The following GRIK2 variants were observed in gnomAD, a reference collection of about 807,000 sequenced individuals.
GRIK2 encodes glutamate ionotropic receptor kainate type subunit 2, also known as glutamate receptor ionotropic, kainate 2.
In GRIK2, 32 loss-of-function variants were observed where a neutral mutation model predicts 100.3. The observed-to-expected ratio is 0.32, with a 90% CI of 0.24 to 0.43. GRIK2 has a LOEUF of 0.43. Ranked by LOEUF, GRIK2 falls within the 20% of genes least tolerant of loss-of-function variation. GRIK2 has a pLI of 1.00. For synonymous variants in GRIK2, 417 were observed against 389.4 expected, an observed-to-expected ratio of 1.07 and a Z score of -0.83; for missense variants, 843 against 1,114.9, an observed-to-expected ratio of 0.76 and a Z score of 3.47.
At chr6:101,605,363 T>C (rs1337228102) in intron 2 of GRIK2, among the ~76,000 whole-genome samples, 1 of 152,032 alleles carries the variant, frequency 6.6e-6, no homozygotes, top group East Asian at 1.9e-4. Flanking sequence ...CTGGATTCAT[T>C]AGTTCTTCTG....
intron 7 of GRIK2, among the ~76,000 whole-genome samples, chr6:101,756,164 A>T (rs1777123151): frequency 6.6e-6 from 1 of 152,172 alleles, no homozygotes; most frequent in Admixed American, 6.6e-5. Flanking sequence ...AGAAGAGGTA[A>T]GTTTCCCTAA....
intron 14 of GRIK2, among the ~76,000 whole-genome samples, chr6:102,008,911 T>A (rs1344142787): frequency 6.6e-6 from 1 of 152,070 alleles, no homozygotes; most frequent in Non-Finnish European, 1.5e-5. Flanking sequence ...AATATACATG[T>A]ATACACACAT....
intron 14 of GRIK2, among the ~76,000 whole-genome samples, chr6:101,951,936 T>G (rs1011947295): frequency 6.6e-6 from 1 of 152,190 alleles, no homozygotes; most frequent in Non-Finnish European, 1.5e-5. Flanking sequence ...AGTCCCACAA[T>G]GTAATATCAT....
intron 13 of GRIK2, among the ~76,000 whole-genome samples, chr6:101,926,078 A>G (rs1237714724): frequency 6.6e-6 from 1 of 151,420 alleles, no homozygotes; most frequent in Non-Finnish European, 1.5e-5. Flanking sequence ...TTGAAAATCC[A>G]GAAAACTTTT....
chr6:101,689,527 C>G (rs1266357304), intron 7 of GRIK2, among the ~76,000 whole-genome samples: 2 of 152,100 alleles, frequency 1.3e-5, no homozygotes, highest in Admixed American at 6.6e-5. Context: ...GAATACAAAA[C>G]CACTTCGCTT....
In GRIK2 at chr6:101,799,772, T is replaced by C. The variant is rs1360062732; in HGVS notation, c.1076T>C (p.Phe359Ser). 1 of 1,613,332 alleles carries C rather than the reference T, an allele frequency of 6.2e-7. No homozygotes were observed. The highest frequency in any genetic ancestry group is 8.5e-7 in the Non-Finnish European group (1 of 1,179,424). Residue 359 changes from phenylalanine to serine, a missense_variant, in exon 8 of 17, where the codon TTT (phenylalanine) becomes TCT (serine). This residue lies in a region of GRIK2 where 519 missense variants were observed against 643.8 expected (regional missense o/e 0.81). Transcript: ENST00000369134. ...RHKPWRFGTRFMSLIKEAHWE... is the reference protein window; with the variant it reads ...RHKPWRFGTRSMSLIKEAHWE... ...AAACCCTGGCGCTTCGGGACCCGCT[T>C]TATGAGTCTAATTAAAGAGGTAAGT...
At chr6:101,636,014 G>T (rs191059240) in intron 4 of GRIK2, among the ~76,000 whole-genome samples, 205 of 152,036 alleles carry the variant, frequency 1.3e-3, no homozygotes, top group African/African-American at 4.5e-3. Flanking sequence ...TATACCCAAA[G>T]GATTATAAAT....
intron 15 of GRIK2, among the ~76,000 whole-genome samples, chr6:102,050,764 A>C (rs1771138070): frequency 6.6e-6 from 1 of 151,284 alleles, no homozygotes; most frequent in East Asian, 1.9e-4. Flanking sequence ...GAGGGAAAAA[A>C]GGAGAAAAGG....
At chr6:101,968,099 C>A (rs997668185) in intron 14 of GRIK2, among the ~76,000 whole-genome samples, 20 of 151,912 alleles carry the variant, frequency 1.3e-4, no homozygotes, top group Non-Finnish European at 7.4e-5. Flanking sequence ...TTATTTGGCT[C>A]TGTCAAGTGA....
chr6:101,789,844 A>G (rs189109192), intron 7 of GRIK2, among the ~76,000 whole-genome samples: 3,054 of 152,200 alleles, frequency 0.02, 106 homozygotes, highest in African/African-American at 0.07. Flanking sequence ...ATGAGCATGG[A>G]ATGTTCTTCC....
intron 14 of GRIK2, among the ~76,000 whole-genome samples, chr6:102,031,379 A>G (rs1442891638): frequency 6.6e-6 from 1 of 151,222 alleles, no homozygotes; most frequent in Non-Finnish European, 1.5e-5. Context: ...TGAAACCTGG[A>G]CCCTGGTCAG....
chr6:101,883,185 T>C (rs1311464548), intron 11 of GRIK2, among the ~76,000 whole-genome samples: 3 of 151,304 alleles, frequency 2.0e-5, no homozygotes, highest in Admixed American at 6.6e-5. Context: ...CCTTTACTAC[T>C]ATGCGGTCTT....
intron 7 of GRIK2, among the ~76,000 whole-genome samples, chr6:101,738,030 T>C (rs1317187369): frequency 6.6e-6 from 1 of 152,078 alleles, no homozygotes; most frequent in Non-Finnish European, 1.5e-5. Flanking sequence ...ATATGTCTTC[T>C]TTTTTTTCTT....
intron 4 of GRIK2, among the ~76,000 whole-genome samples, chr6:101,634,743 G>C (rs182843539): frequency 6.6e-6 from 1 of 151,808 alleles, no homozygotes; most frequent in East Asian, 1.9e-4. Flanking sequence ...TTTAGAAATA[G>C]TAATATTTAC....
At chr6:101,764,793 C>T (rs1562368394) in intron 7 of GRIK2, among the ~76,000 whole-genome samples, 1 of 152,130 alleles carries the variant, frequency 6.6e-6, no homozygotes. Flanking sequence ...AGGAAGTGCT[C>T]TTTCCTAAAA....
rs1780552238 is a variant in GRIK2, at chr6:101,628,226, A to G, written c.541+1589A>G. Among the ~76,000 whole-genome samples the G allele has an allele frequency of 2.6e-5, 4 of 152,232 alleles. No individual in the cohort carries two copies. In the South Asian group the frequency reaches 8.3e-4, roughly 32 times the overall value. On this transcript the variant is annotated intron_variant, in intron 4 of 16. Transcript: ENST00000369134. Reference sequence around the variant, plus strand: ...AAATTGGTCATCTGCAAATTGACAGATAAGAACTCTTTCAAGGGAATAGGA... The same window carrying G: ...AAATTGGTCATCTGCAAATTGACAGGTAAGAACTCTTTCAAGGGAATAGGA...
At chr6:101,720,839 G>C (rs574806070) in intron 7 of GRIK2, among the ~76,000 whole-genome samples, 1 of 152,026 alleles carries the variant, frequency 6.6e-6, no homozygotes, top group African/African-American at 2.4e-5. Context: ...GAAATTTTTT[G>C]TTTTCAGAAT....
intron 7 of GRIK2, among the ~76,000 whole-genome samples, chr6:101,738,096 T>G (rs1775772769): frequency 6.6e-6 from 1 of 152,124 alleles, no homozygotes; most frequent in African/African-American, 2.4e-5. Flanking sequence ...TAAACCATTG[T>G]GAGGAATAAT....
chr6:101,625,404 AAAT>A (rs1780384997), intron 3 of GRIK2, among the ~76,000 whole-genome samples: 1 of 151,058 alleles, frequency 6.6e-6, no homozygotes, highest in South Asian at 2.1e-4. Context: ...ATAAATAAAT[AAAT>A]AAATAAATAA....
Sources: gnomAD v4.1 joint callset for allele counts (sites outside exome capture counted in the v4.1 genomes callset) on GRCh38, gnomAD v4.1.1 for gene constraint, gnomAD v4.1.1 regional missense constraint, MANE v1.5 for transcripts, NCBI Gene and HGNC (gene_info 2026-07-23, HGNC 2026-07-21) for gene names.